ZBTB44: variants seen among roughly 807,000 people sequenced by gnomAD.
The protein encoded by ZBTB44 is zinc finger and BTB domain containing 44, also known as zinc finger and BTB domain-containing protein 44.
Under a neutral mutation model 54.0 loss-of-function variants are expected in ZBTB44, and 15 were observed. The ratio of observed to expected loss-of-function variants is 0.28; its 90% CI spans 0.19 to 0.43. The LOEUF is 0.43. Among genes scored for constraint, ZBTB44 ranks in the 20% least tolerant of loss-of-function variants. ZBTB44 has a pLI of 1.00. For synonymous variants in ZBTB44, 230 were observed against 250.1 expected, an observed-to-expected ratio of 0.92 and a Z score of 0.76; for missense variants, 487 against 707.1, an observed-to-expected ratio of 0.69 and a Z score of 3.53.
intron 1 of ZBTB44, among the ~76,000 whole-genome samples, chr11:130,287,668 T>C (rs889756917): frequency 4.6e-5 from 7 of 152,298 alleles, no homozygotes; most frequent in Non-Finnish European, 7.4e-5. Flanking sequence ...ATGATATACC[T>C]ACATGATAAC....
At chr11:130,310,591 A>G (rs1016609321) in intron 1 of ZBTB44, 3 of 152,146 alleles carry the variant, frequency 2.0e-5, no homozygotes, top group Admixed American at 2.0e-4. Context: ...AAGTACTTCT[A>G]TGTGGCTTCA....
intron 1 of ZBTB44, among the ~76,000 whole-genome samples, chr11:130,281,600 T>G (rs1210482911): frequency 6.6e-6 from 1 of 150,386 alleles, no homozygotes; most frequent in Admixed American, 6.6e-5. Context: ...TTGTTGTTTT[T>G]TGGGGGGGGG....
chr11:130,279,471 C>A (rs1204176008), intron 1 of ZBTB44, among the ~76,000 whole-genome samples: 4 of 152,066 alleles, frequency 2.6e-5, no homozygotes, highest in African/African-American at 9.7e-5. Context: ...CCAGCCTGGC[C>A]AACACGGCAA....
At position 130,260,844 on chromosome 11, in the gene ZBTB44, A is replaced by T; in HGVS notation, c.1018+12T>A. 6.4e-7 allele frequency: 1 copy of T among 1,574,558 alleles called. No homozygotes were observed. The highest frequency in any genetic ancestry group is 8.6e-7 in the Non-Finnish European group (1 of 1,163,682). On this transcript the variant is annotated intron_variant, in intron 2 of 7. Transcript: ENST00000357899. Reference sequence around the variant, plus strand: ...CTTTATAGCACCAAGAAAAACACAGAAGGCATTATACCTATAGAGGAAGAC... The same window carrying T: ...CTTTATAGCACCAAGAAAAACACAGTAGGCATTATACCTATAGAGGAAGAC...
At chr11:130,308,770 A>C (rs907922401) in intron 1 of ZBTB44, among the ~76,000 whole-genome samples, 1 of 152,186 alleles carries the variant, frequency 6.6e-6, no homozygotes, top group Non-Finnish European at 1.5e-5. Flanking sequence ...TACTGAGATT[A>C]AAGACAGAAT....
chr11:130,279,660 AAACCAACC>A (rs112723247), intron 1 of ZBTB44, among the ~76,000 whole-genome samples: 22 of 151,672 alleles, frequency 1.5e-4, no homozygotes, highest in Non-Finnish European at 1.8e-4. Context: ...CTCTGTCTCA[AAACCAACC>A]AACCAACCAA....
chr11:130,295,486 T>C (rs1206331879), intron 1 of ZBTB44, among the ~76,000 whole-genome samples: 1 of 152,046 alleles, frequency 6.6e-6, no homozygotes, highest in Non-Finnish European at 1.5e-5. Context: ...CCGAGACTCC[T>C]AAAGAAACAG....
chr11:130,270,382 T>G (rs1284071610), intron 1 of ZBTB44, among the ~76,000 whole-genome samples: 1 of 152,218 alleles, frequency 6.6e-6, no homozygotes, highest in Non-Finnish European at 1.5e-5. Flanking sequence ...TACATAAACT[T>G]GTCTGTATTG....
chr11:130,234,009 A>G (rs1591917961), intron 6 of ZBTB44, 147 bp downstream of exon 6: 2 of 1,520,044 alleles, frequency 1.3e-6, no homozygotes, highest in Non-Finnish European at 1.8e-6. Context: ...TAGTTATAGA[A>G]GACAGCTCTG....
At chr11:130,252,394 A>C (rs1938085254) in intron 2 of ZBTB44, among the ~76,000 whole-genome samples, 1 of 152,232 alleles carries the variant, frequency 6.6e-6, no homozygotes, top group Non-Finnish European at 1.5e-5. Context: ...AAAGATATTC[A>C]GGACTTGAAC....
At chr11:130,280,404 G>A (rs142341092) in intron 1 of ZBTB44, among the ~76,000 whole-genome samples, 1 of 152,068 alleles carries the variant, frequency 6.6e-6, no homozygotes, top group Non-Finnish European at 1.5e-5. Flanking sequence ...CTCATCAAGT[G>A]AAACAATTCT....
chr11:130,262,312 G>A (rs560561940), intron 1 of ZBTB44, among the ~76,000 whole-genome samples: 10 of 151,918 alleles, frequency 6.6e-5, no homozygotes, highest in Non-Finnish European at 1.5e-5. Context: ...GCTAAGTTTT[G>A]TATTTTTGTA....
intron 2 of ZBTB44, 62 bp from the exon 3 acceptor site, chr11:130,239,958 T>TG: frequency 8.4e-7 from 1 of 1,191,506 alleles, no homozygotes. Context: ...AGATTGTAAC[T>TG]GAAAGCTATA....
intron 2 of ZBTB44, among the ~76,000 whole-genome samples, chr11:130,245,546 G>A (rs1270927244): frequency 6.6e-6 from 1 of 152,178 alleles, no homozygotes; most frequent in Non-Finnish European, 1.5e-5. Context: ...ACAGACAAAG[G>A]CTTGCCCCAA....
chr11:130,256,097 C>T (rs1358224312), intron 2 of ZBTB44, among the ~76,000 whole-genome samples: 2 of 152,076 alleles, frequency 1.3e-5, no homozygotes, highest in Admixed American at 6.6e-5. Flanking sequence ...TTTATGAGGT[C>T]AGCAACATCC....
chr11:130,239,912 A>G lies in ZBTB44; in HGVS notation c.1019-16T>C. The stretch of plus-strand genomic sequence containing the variant: ...TCTACTGAGCCTGTGAATAAGAGAA[A>G]GAGGACCACTGTAATCCTTTGGTGT... On this transcript the variant is annotated splice_polypyrimidine_tract_variant and intron_variant, in intron 2 of 7. Coordinates refer to ENST00000357899, the MANE Select transcript of ZBTB44 (RefSeq NM_001301098.2). The G allele has an allele frequency of 6.3e-7, 1 of 1,595,534 alleles. No homozygotes were observed. The highest frequency in any genetic ancestry group is 8.6e-7 in the Non-Finnish European group (1 of 1,166,962).
intron 1 of ZBTB44, among the ~76,000 whole-genome samples, chr11:130,292,163 A>C (rs1941340880): frequency 6.6e-6 from 1 of 152,166 alleles, no homozygotes; most frequent in African/African-American, 2.4e-5. Context: ...TTTATCATTT[A>C]ATTGTTGATA....
rs1941635940 is a variant in ZBTB44 at position 130,296,253 on chromosome 11, C to A, written c.-57+18122G>T. The A allele has an allele frequency of 2.1e-6, 3 of 1,411,874 alleles. No individual in the cohort carries two copies. In the African/African-American group the frequency reaches 4.3e-5, roughly 20 times the overall value. The allele number at this position is 1,411,874 out of a possible 1,614,324, so 87.5% of individuals were successfully genotyped here. A position where few individuals can be genotyped will look rare whatever the true frequency, so the allele number is the denominator to read the frequency against. ...TAATACAACAGTGGATGGTCTTGAGCAGGGATATGTTGTTTGTCCTTCTGA... is the reference window on the plus strand; with the variant it reads ...TAATACAACAGTGGATGGTCTTGAGAAGGGATATGTTGTTTGTCCTTCTGA... On this transcript the variant is annotated intron_variant, in intron 1 of 7. Coordinates refer to ENST00000357899, the MANE Select transcript of ZBTB44 (RefSeq NM_001301098.2).
intron 2 of ZBTB44, 102 bp from the exon 3 acceptor site, chr11:130,239,998 T>C: frequency 4.0e-6 from 3 of 758,458 alleles, no homozygotes; most frequent in South Asian, 1.7e-5. Flanking sequence ...ATATATTATC[T>C]AGTGTTCATA....
Sources: gnomAD v4.1 joint callset for allele counts (sites outside exome capture counted in the v4.1 genomes callset) on GRCh38, gnomAD v4.1.1 for gene constraint, MANE v1.5 for transcripts, NCBI Gene and HGNC (gene_info 2026-07-23, HGNC 2026-07-21) for gene names.